The following DLG2 variants were observed in gnomAD, a reference collection of about 807,000 sequenced individuals.
The protein encoded by DLG2 is discs large MAGUK scaffold protein 2.
A neutral mutation model predicts 132.5 loss-of-function variants in DLG2; 45 were observed. The observed-to-expected ratio is 0.34, with a 90% CI of 0.27 to 0.44. The LOEUF (loss-of-function observed/expected upper bound fraction) is 0.44, where lower values mean the gene tolerates loss of function less well. DLG2 is among the 20% of genes least tolerant of loss of function. DLG2 has a pLI of 1.00. For synonymous variants in DLG2, 424 were observed against 419.6 expected (o/e 1.01, Z -0.13); for missense variants, 1,045 against 1,196.9 (o/e 0.87, Z 1.87).
chr11:85,341,248 A>T (rs2082478462), intron 3 of DLG2, among the ~76,000 whole-genome samples: 2 of 152,086 alleles, frequency 1.3e-5, no homozygotes, highest in African/African-American at 4.8e-5. Context: ...CCTCCCGAGT[A>T]GCTGGGACTA....
chr11:85,524,291 G>A (rs1565632918), intron 3 of DLG2, among the ~76,000 whole-genome samples: 1 of 151,986 alleles, frequency 6.6e-6, no homozygotes, highest in Non-Finnish European at 1.5e-5. Flanking sequence ...TTGAGGTGAT[G>A]AATAGTCAAT....
intron 7 of DLG2, among the ~76,000 whole-genome samples, chr11:84,505,930 C>A (rs1181135443): frequency 6.6e-6 from 1 of 152,008 alleles, no homozygotes; most frequent in Non-Finnish European, 1.5e-5. Flanking sequence ...TGTCCACATT[C>A]CTGAAGGTTA....
At chr11:84,840,634 A>G (rs1216273357) in intron 6 of DLG2, among the ~76,000 whole-genome samples, 1 of 152,184 alleles carries the variant, frequency 6.6e-6, no homozygotes, top group Non-Finnish European at 1.5e-5. Context: ...AATGTGGCAC[A>G]TATACACCAT....
intron 21 of DLG2, among the ~76,000 whole-genome samples, chr11:83,491,206 G>A (rs184662826): frequency 2.7e-5 from 4 of 147,144 alleles, no homozygotes; most frequent in East Asian, 2.0e-4. Context: ...ATTCCAACTC[G>A]CATGAAGCAC....
At position 83,789,384 on chromosome 11, in the gene DLG2, A is replaced by AG. The variant is rs568803696; in HGVS notation, c.1723-2593dup. Among the ~76,000 whole-genome samples the AG allele has an allele frequency of 1.9e-3, 65 of 33,366 alleles. 1 individual carries two copies. Among genetic ancestry groups the AG allele is most frequent in the African/African-American group, 5.5e-3 (50 of 9,078 alleles). The allele number at this position is 33,366 out of a possible 152,430, so 21.9% of individuals were successfully genotyped here. On this transcript the variant is annotated intron_variant, in intron 17 of 27. Transcript: ENST00000376104. ...GCAGCAAAGGACAGGGCGGGGCGGG[A>AG]GGGGGGGCAGCATTGAGGAGAATTT... is the stretch of plus-strand genomic sequence containing the variant.
At chr11:85,548,836 C>T (rs2076487641) in intron 3 of DLG2, among the ~76,000 whole-genome samples, 1 of 152,126 alleles carries the variant, frequency 6.6e-6, no homozygotes, top group Admixed American at 6.5e-5. Flanking sequence ...GGATGCCCTT[C>T]CCCCCACCAA....
intron 7 of DLG2, among the ~76,000 whole-genome samples, chr11:84,399,814 G>A (rs992109293): frequency 1.2e-4 from 19 of 152,218 alleles, no homozygotes; most frequent in Non-Finnish European, 2.5e-4. Flanking sequence ...AAAAATCCAA[G>A]GGGCTTGCCT....
intron 6 of DLG2, among the ~76,000 whole-genome samples, chr11:84,711,836 G>A (rs2060486255): frequency 6.6e-6 from 1 of 151,932 alleles, no homozygotes; most frequent in Admixed American, 6.6e-5. Context: ...TTAACCAAAT[G>A]TCTGGCCAGT....
chr11:85,321,811 C>T (rs2081087597), intron 3 of DLG2, among the ~76,000 whole-genome samples: 1 of 151,896 alleles, frequency 6.6e-6, no homozygotes, highest in South Asian at 2.1e-4. Context: ...CTTCGCAGGA[C>T]AGGTTTAGTG....
chr11:84,267,170 A>C (rs2097649864), intron 7 of DLG2, among the ~76,000 whole-genome samples: 1 of 152,220 alleles, frequency 6.6e-6, no homozygotes, highest in East Asian at 1.9e-4. Flanking sequence ...TAATCCTCTG[A>C]AATGTAGATA....
chr11:85,608,174 A>T (rs2080727585), intron 2 of DLG2, among the ~76,000 whole-genome samples: 2 of 152,128 alleles, frequency 1.3e-5, no homozygotes, highest in South Asian at 4.1e-4. Context: ...GTTCTTGGGC[A>T]TGGGGAGAAA....
chr11:84,553,203 A>G (rs1409914467), intron 6 of DLG2, among the ~76,000 whole-genome samples: 1 of 152,090 alleles, frequency 6.6e-6, no homozygotes, highest in Non-Finnish European at 1.5e-5. Flanking sequence ...TACCTTTGTC[A>G]CTTTGTATTG....
chr11:84,706,354 A>T (rs2059780507), intron 6 of DLG2, among the ~76,000 whole-genome samples: 1 of 151,826 alleles, frequency 6.6e-6, no homozygotes, highest in African/African-American at 2.4e-5. Flanking sequence ...ATTATATACA[A>T]GGAAAGATTT....
chr11:84,416,987 A>T (rs905779006), intron 7 of DLG2, among the ~76,000 whole-genome samples: 2 of 152,244 alleles, frequency 1.3e-5, no homozygotes, highest in Non-Finnish European at 2.9e-5. Context: ...TTCGACGAAT[A>T]CTGATAAAGT....
chr11:84,476,431 CAA>C (rs1288775761), intron 7 of DLG2, among the ~76,000 whole-genome samples: 1 of 152,096 alleles, frequency 6.6e-6, no homozygotes, highest in African/African-American at 2.4e-5. Flanking sequence ...TTATGGAGAA[CAA>C]AATCCAAGCT....
chr11:84,977,050 C>CT (rs990368755), intron 6 of DLG2, among the ~76,000 whole-genome samples: 7 of 149,384 alleles, frequency 4.7e-5, no homozygotes, highest in South Asian at 2.2e-4. Context: ...ACCTGTGCCT[C>CT]TTTTTTTTTC....
intron 7 of DLG2, chr11:84,273,359 ATTAGATCTG>A: frequency 7.6e-7 from 1 of 1,319,490 alleles, no homozygotes; most frequent in Non-Finnish European, 9.7e-7. Context: ...AAACTTCTTA[ATTAGATCTG>A]CTACACAAAC....
At chr11:83,740,615 T>TCA (rs1409121305) in intron 18 of DLG2, among the ~76,000 whole-genome samples, 1 of 152,200 alleles carries the variant, frequency 6.6e-6, no homozygotes, top group Admixed American at 6.5e-5. Flanking sequence ...ACTTCTGATT[T>TCA]GTGCATTTTC....
intron 6 of DLG2, among the ~76,000 whole-genome samples, chr11:84,869,211 TG>T (rs2085090137): frequency 6.6e-6 from 1 of 152,212 alleles, no homozygotes; most frequent in African/African-American, 2.4e-5. Flanking sequence ...ATTTCTTTTC[TG>T]GGCTTTATAG....
Sources: gnomAD v4.1 joint callset for allele counts (sites outside exome capture counted in the v4.1 genomes callset) on GRCh38, gnomAD v4.1.1 for gene constraint, MANE v1.5 for transcripts, NCBI Gene and HGNC (gene_info 2026-07-23, HGNC 2026-07-21) for gene names.